Variants in DNAH6 observed in about 807,000 individuals in gnomAD.
The protein encoded by DNAH6 is axonemal beta dynein heavy chain 6.
DNAH6 carries 340 observed loss-of-function variants against 491.4 expected under a neutral mutation model. The observed-to-expected ratio is 0.69, with a 90% CI of 0.63 to 0.76. DNAH6 has a LOEUF of 0.76. DNAH6 is among the 30% of genes least tolerant of loss of function. The pLI is 0.00. For missense variants in DNAH6, 4,443 were observed against 4,972.2 expected (o/e 0.89, Z 3.20); for synonymous variants, 1,603 against 1,686.1 (o/e 0.95, Z 1.21).
chr2:84,493,880 T>TA, the DNAH6 span, among the ~76,000 whole-genome samples: 1 of 152,206 alleles, frequency 6.6e-6, no homozygotes, highest in Non-Finnish European at 1.5e-5. Context: ...CATGATAGGC[T>TA]GTTTGTTCAG....
intron 45 of DNAH6, among the ~76,000 whole-genome samples, chr2:84,691,133 TA>T (rs1377297373): frequency 6.6e-6 from 1 of 152,182 alleles, no homozygotes; most frequent in African/African-American, 2.4e-5. Context: ...GCTACTACAT[TA>T]GAGGATTCTT....
intron 50 of DNAH6, 91 bp downstream of exon 50, chr2:84,703,653 A>G (rs1696148999): frequency 2.6e-6 from 3 of 1,144,162 alleles, no homozygotes; most frequent in African/African-American, 1.6e-5. Context: ...TTTTTATTAT[A>G]TATGTTATTA....
At chr2:84,633,962 C>T (rs1356781506) in intron 29 of DNAH6, among the ~76,000 whole-genome samples, 2 of 152,166 alleles carry the variant, frequency 1.3e-5, no homozygotes, top group Non-Finnish European at 2.9e-5. Flanking sequence ...TAACCAATAT[C>T]TCAAGTGCCC....
At chr2:84,678,394 G>A (rs1693460032) in intron 41 of DNAH6, among the ~76,000 whole-genome samples, 1 of 152,188 alleles carries the variant, frequency 6.6e-6, no homozygotes, top group Non-Finnish European at 1.5e-5. Flanking sequence ...ATATTTTGAA[G>A]TTTGAAGTGA....
intron 32 of DNAH6, 125 bp downstream of exon 32, chr2:84,640,703 C>A: frequency 2.2e-6 from 2 of 917,138 alleles, no homozygotes; most frequent in Non-Finnish European, 3.3e-6. Flanking sequence ...CTGTTGTCAT[C>A]ATTCTTACCT....
At chr2:84,616,710 A>G (rs1686886340) in intron 22 of DNAH6, among the ~76,000 whole-genome samples, 176 bp from the exon 23 acceptor site, 4 of 152,166 alleles carry the variant, frequency 2.6e-5, no homozygotes, top group Admixed American at 2.6e-4. Flanking sequence ...TTACAATTCC[A>G]TGACTCATTT....
chr2:84,599,278 G>A (rs1264596268), intron 18 of DNAH6, among the ~76,000 whole-genome samples: 1 of 151,956 alleles, frequency 6.6e-6, no homozygotes, highest in South Asian at 2.1e-4. Flanking sequence ...TCAGTTGCTT[G>A]TCTTTTCAGT....
intron 45 of DNAH6, among the ~76,000 whole-genome samples, 197 bp from the exon 46 acceptor site, chr2:84,694,052 G>A (rs1480529264): frequency 6.6e-6 from 1 of 152,182 alleles, no homozygotes; most frequent in African/African-American, 2.4e-5. Flanking sequence ...TAGGAATGGG[G>A]GAAAGAATGA....
chr2:84,754,101 T>A (rs953822964), intron 63 of DNAH6, among the ~76,000 whole-genome samples: 1 of 148,002 alleles, frequency 6.8e-6, no homozygotes, highest in South Asian at 2.2e-4. Context: ...GGATTACAGG[T>A]GTGAGCCACC....
At chr2:84,528,854 G>C in intron 3 of DNAH6, 50 bp from the exon 4 acceptor site, 1 of 1,475,658 alleles carries the variant, frequency 6.8e-7, no homozygotes, top group Non-Finnish European at 9.1e-7. Context: ...GCTCTTGTGT[G>C]TATGTGTGCA....
chr2:84,746,785 C>CT (rs1471939395), intron 63 of DNAH6, among the ~76,000 whole-genome samples: 11 of 152,230 alleles, frequency 7.2e-5, no homozygotes, highest in Admixed American at 1.3e-4. Flanking sequence ...AGTTCTGCGG[C>CT]TGTACAAGCA....
chr2:84,759,271 G>A (rs868367233), intron 63 of DNAH6, among the ~76,000 whole-genome samples: 101 of 151,656 alleles, frequency 6.7e-4, no homozygotes, highest in African/African-American at 2.3e-3. Context: ...ACTTTGGGAG[G>A]CCAAGATGGG....
In DNAH6 at chr2:84,815,842, A is replaced by C; in HGVS notation, c.12151-19A>C. On this transcript the variant is annotated intron_variant, in intron 75 of 76. Transcript: ENST00000389394. ...CCCTTTTCCCCCATCTCACTTTGAGACTTGTGGGTATCTTTCAGTTGCCCT... is the reference window on the plus strand; with the variant it reads ...CCCTTTTCCCCCATCTCACTTTGAGCCTTGTGGGTATCTTTCAGTTGCCCT... 6.5e-7 allele frequency: 1 copy of C among 1,533,994 alleles called. No homozygotes were observed.
In DNAH6 at chr2:84,701,351, A is replaced by G. The variant is rs1376512366; in HGVS notation, c.8061+12A>G. ...AGCAGATTATTTCAGTAGGTTCAAT[A>G]TTATCCATGAAAATATTGTTTTGCT... is the stretch of plus-strand genomic sequence containing the variant. On this transcript the variant is annotated intron_variant, in intron 49 of 76. Transcript: ENST00000389394. 6.5e-7 allele frequency: 1 copy of G among 1,538,894 alleles called. No individual in the cohort carries two copies. Among genetic ancestry groups the G allele is most frequent in the East Asian group, 2.5e-5 (1 of 40,554 alleles).
At chr2:84,641,389 G>T (rs925280512) in intron 32 of DNAH6, among the ~76,000 whole-genome samples, 12 of 152,094 alleles carry the variant, frequency 7.9e-5, no homozygotes, top group African/African-American at 2.9e-4. Flanking sequence ...TAAGGACTAG[G>T]AATACTAAGA....
chr2:84,602,038 T>A (rs1685298055), intron 18 of DNAH6, among the ~76,000 whole-genome samples: 1 of 152,040 alleles, frequency 6.6e-6, no homozygotes, highest in African/African-American at 2.4e-5. Context: ...ACATTCTTTG[T>A]GCTGATGTTA....
Position 84,734,286 on chromosome 2 carries a change from G to A in DNAH6, c.10342+707G>A, listed in dbSNP as rs970512824. ...CTCCCTAGTAGCTGGGACTTCAGGC[G>A]CCCACCACCACACCCGGCTAATTTT... On this transcript the variant is annotated intron_variant, in intron 62 of 76. Transcript: ENST00000389394. Among the ~76,000 whole-genome samples the A allele has an allele frequency of 5.3e-5, 8 of 151,548 alleles. No homozygotes were observed. The East Asian group carries it at 1.4e-3, about 26-fold the overall frequency.
At chr2:84,788,645 T>C (rs1310821162) in intron 68 of DNAH6, among the ~76,000 whole-genome samples, 2 of 152,212 alleles carry the variant, frequency 1.3e-5, no homozygotes, top group African/African-American at 2.4e-5. Context: ...GTGGTGACCA[T>C]AGCTTTATCA....
chr2:84,811,066 T>G (rs1161277661), intron 72 of DNAH6, among the ~76,000 whole-genome samples: 1 of 152,234 alleles, frequency 6.6e-6, no homozygotes, highest in East Asian at 1.9e-4. Flanking sequence ...TCCTGCACTC[T>G]GCTGCAGATG....
Sources: allele counts gnomAD v4.1 joint callset (sites outside exome capture counted in the v4.1 genomes callset), GRCh38; gene constraint gnomAD v4.1.1; transcripts MANE v1.5; gene names NCBI Gene and HGNC (gene_info 2026-07-23, HGNC 2026-07-21).